IDO2: variants seen among roughly 807,000 people sequenced by gnomAD.
IDO2 encodes the protein indoleamine 2,3-dioxygenase 2, also known as indoleamine 2,3-dioxygenase-like 1 protein.
IDO2 carries 46 observed loss-of-function variants against 45.1 expected under a neutral mutation model. That is an observed-to-expected ratio of 1.02 (90% CI 0.80 to 1.30). The LOEUF (loss-of-function observed/expected upper bound fraction) is 1.30, where lower values mean the gene tolerates loss of function less well. IDO2 is among the 50% of genes most tolerant of loss of function. The probability of loss-of-function intolerance (pLI) is 0.00; values close to 1 mark genes in which losing one functional copy is unlikely to be tolerated. For synonymous variants in IDO2, 218 were observed against 184.9 expected, an observed-to-expected ratio of 1.18 and a Z score of -1.45; for missense variants, 544 against 491.8, an observed-to-expected ratio of 1.11 and a Z score of -1.00.
intron 1 of IDO2, among the ~76,000 whole-genome samples, chr8:39,938,199 T>C (rs532567932): frequency 2.0e-5 from 3 of 152,250 alleles, no homozygotes; most frequent in African/African-American, 4.8e-5. Context: ...TTCCAGCACT[T>C]TGGGAGGCTG....
chr8:40,016,356 T>A, exon 11 of IDO2: 1 of 392,290 alleles, frequency 2.5e-6, no homozygotes, highest in Non-Finnish European at 4.5e-6. Context: ...TAAATCAATG[T>A]GTTTAGTGTG....
intron 3 of IDO2, among the ~76,000 whole-genome samples, chr8:39,974,125 T>C (rs892368060): frequency 6.6e-6 from 1 of 152,174 alleles, no homozygotes; most frequent in Non-Finnish European, 1.5e-5. Context: ...CAAAGTAAGA[T>C]TTTTCCTATC....
At chr8:39,983,535 A>G (rs1184720198) in intron 5 of IDO2, among the ~76,000 whole-genome samples, 1 of 152,150 alleles carries the variant, frequency 6.6e-6, no homozygotes, top group African/African-American at 2.4e-5. Context: ...TAAAAGGGTT[A>G]CATATTTAGT....
rs141422232 is a variant in IDO2 at position 39,957,598 on chromosome 8, T to C, written c.100-6010T>C. Among the ~76,000 whole-genome samples the C allele has an allele frequency of 3.9e-4, 59 of 152,172 alleles. No homozygotes were observed. In the East Asian group the frequency reaches 9.3e-3, roughly 24 times the overall value. On this transcript the variant is annotated intron_variant, in intron 2 of 10. Transcript: ENST00000502986. ...CTACACTCCAGTGTGGGTGACAGAG[T>C]GAGATCCTGTCTCTAAAAAACGTAA... is the stretch of plus-strand genomic sequence containing the variant.
intron 1 of IDO2, among the ~76,000 whole-genome samples, chr8:39,940,984 G>A (rs1008313681): frequency 1.3e-5 from 2 of 151,160 alleles, no homozygotes; most frequent in African/African-American, 4.9e-5. Flanking sequence ...ACTTTGGGAG[G>A]CTGAGGCAGG....
chr8:40,009,107 C>T (rs1413635178), intron 9 of IDO2, among the ~76,000 whole-genome samples: 18 of 152,150 alleles, frequency 1.2e-4, no homozygotes, highest in Admixed American at 9.2e-4. Context: ...CTCTGCCTCC[C>T]AGGTTCAAGC....
chr8:39,973,876 G>T (rs755425295), intron 3 of IDO2, among the ~76,000 whole-genome samples: 11 of 151,860 alleles, frequency 7.2e-5, no homozygotes, highest in Non-Finnish European at 1.2e-4. Flanking sequence ...CGAGTAGTTG[G>T]TATTACAGGC....
At chr8:40,012,136 G>A (rs1585423299) in intron 9 of IDO2, among the ~76,000 whole-genome samples, 1 of 152,276 alleles carries the variant, frequency 6.6e-6, no homozygotes, top group South Asian at 2.1e-4. Flanking sequence ...CAGTCTGTCT[G>A]TGGCTTTTAT....
exon 11 of IDO2, chr8:40,015,576 G>C: frequency 1.2e-6 from 2 of 1,613,076 alleles, no homozygotes; most frequent in South Asian, 2.2e-5. Context: ...TAAGACCTTG[G>C]AGTCAATCCT....
chr8:40,009,159 C>A (rs1363560227), intron 9 of IDO2, among the ~76,000 whole-genome samples: 1 of 152,134 alleles, frequency 6.6e-6, no homozygotes, highest in Non-Finnish European at 1.5e-5. Flanking sequence ...GGACTACAGG[C>A]ACCTGCCACA....
rs146382040 is a variant in IDO2, at chr8:39,964,990, A to C, written c.195+1287A>C. ...GCAAGGGAAGCCTGGAACAGTTGGC[A>C]AGAGGGCAGGTTAGAATTCAGTTTG... is the stretch of plus-strand genomic sequence containing the variant. On this transcript the variant is annotated intron_variant, in intron 3 of 10. Transcript: ENST00000502986. Among the ~76,000 whole-genome samples, 24 of 152,348 alleles carry C rather than the reference A, an allele frequency of 1.6e-4. No individual in the cohort carries two copies. In the East Asian group the frequency reaches 4.4e-3, roughly 28 times the overall value.
exon 11 of IDO2, chr8:40,015,921 A>G: frequency 5.5e-6 from 2 of 360,550 alleles, no homozygotes. Flanking sequence ...AAATGTCAAA[A>G]ATCAGATAAA....
At chr8:39,985,738 T>G in intron 6 of IDO2, 1 of 532,486 alleles carries the variant, frequency 1.9e-6, no homozygotes, top group Non-Finnish European at 3.3e-6. Flanking sequence ...GGATTTTTTT[T>G]TACTGTATTT....
At chr8:40,013,855 A>G (rs1375453121) in intron 10 of IDO2, 142 bp downstream of exon 10, 3 of 615,310 alleles carry the variant, frequency 4.9e-6, no homozygotes, top group South Asian at 3.0e-5. Flanking sequence ...AAACTGCATG[A>G]CTGCCAATGT....
intron 3 of IDO2, among the ~76,000 whole-genome samples, chr8:39,968,457 G>A (rs1808129384): frequency 6.6e-6 from 1 of 152,112 alleles, no homozygotes; most frequent in African/African-American, 2.4e-5. Context: ...ATGGCTCTAG[G>A]CACTGAAAAA....
At chr8:40,002,711 CG>C (rs1021024897) in intron 8 of IDO2, among the ~76,000 whole-genome samples, 1 of 151,940 alleles carries the variant, frequency 6.6e-6, no homozygotes, top group Non-Finnish European at 1.5e-5. Flanking sequence ...ACCTGGCAGG[CG>C]GGGGGTGCAG....
intron 3 of IDO2, among the ~76,000 whole-genome samples, chr8:39,967,200 A>C (rs766458991): frequency 4.6e-5 from 7 of 152,180 alleles, no homozygotes; most frequent in Non-Finnish European, 1.0e-4. Context: ...AATACAGGTG[A>C]TCCAAATTCC....
intron 9 of IDO2, among the ~76,000 whole-genome samples, chr8:40,009,094 A>G (rs1005507414): frequency 1.3e-5 from 2 of 152,134 alleles, no homozygotes; most frequent in African/African-American, 4.8e-5. Flanking sequence ...GGCTCACTGC[A>G]ACCTCTGCCT....
chr8:39,973,732 G>T (rs2543060), intron 3 of IDO2, among the ~76,000 whole-genome samples: 99,132 of 147,130 alleles, frequency 0.67, 33,053 homozygotes, highest in South Asian at 0.75. Flanking sequence ...GTTTTCTTGT[G>T]TTTCGTTTTC....
Sources: allele counts gnomAD v4.1 joint callset (sites outside exome capture counted in the v4.1 genomes callset), GRCh38; gene constraint gnomAD v4.1.1; transcripts MANE v1.5; gene names NCBI Gene and HGNC (gene_info 2026-07-23, HGNC 2026-07-21).